RANBP2: variants seen among roughly 807,000 people sequenced by gnomAD.
RANBP2 encodes the protein RAN binding protein 2.
In RANBP2, 57 loss-of-function variants were observed where a neutral mutation model predicts 303.6. The ratio of observed to expected loss-of-function variants is 0.19; its 90% CI spans 0.15 to 0.23. The LOEUF is 0.23. Ranked by LOEUF, RANBP2 falls within the 10% of genes least tolerant of loss-of-function variation. RANBP2 has a pLI of 1.00. For missense variants in RANBP2, 3,138 were observed against 3,780.8 expected, an observed-to-expected ratio of 0.83 and a Z score of 4.46; for synonymous variants, 1,167 against 1,301.5, an observed-to-expected ratio of 0.90 and a Z score of 2.23.
the RANBP2 span, among the ~76,000 whole-genome samples, chr2:109,196,274 C>T: frequency 6.6e-6 from 1 of 152,348 alleles, no homozygotes; most frequent in Non-Finnish European, 1.5e-5. Context: ...CTCCTGGGCC[C>T]CTGGGCTGCT....
At chr2:109,517,437 G>T in the RANBP2 span, among the ~76,000 whole-genome samples, 63 of 152,290 alleles carry the variant, frequency 4.1e-4, no homozygotes, top group Admixed American at 7.8e-4. Context: ...CCGAACCACC[G>T]CAGCAAGGAA....
At chr2:108,848,136 T>C in the RANBP2 span, among the ~76,000 whole-genome samples, 1 of 152,204 alleles carries the variant, frequency 6.6e-6, no homozygotes, top group Admixed American at 6.5e-5. Flanking sequence ...CAATTTAATA[T>C]AAGAAAAATT....
the RANBP2 span, among the ~76,000 whole-genome samples, chr2:108,853,921 T>C: frequency 8.2e-6 from 1 of 122,148 alleles, no homozygotes; most frequent in Non-Finnish European, 1.6e-5. Context: ...ATAGTATATA[T>C]ATTATATATA....
chr2:109,615,093 C>T, the RANBP2 span: 791 of 1,549,680 alleles, frequency 5.1e-4, 8 homozygotes, highest in South Asian at 8.4e-3. Context: ...GAGGCCGGCC[C>T]GCCAGAACCT....
chr2:108,867,708 T>G, the RANBP2 span, among the ~76,000 whole-genome samples: 1 of 152,032 alleles, frequency 6.6e-6, no homozygotes, highest in Admixed American at 6.6e-5. Flanking sequence ...ATACTATTGC[T>G]TTTTTTTGTT....
the RANBP2 span, among the ~76,000 whole-genome samples, chr2:108,966,773 G>A: frequency 6.6e-6 from 1 of 152,200 alleles, no homozygotes; most frequent in Non-Finnish European, 1.5e-5. Context: ...TGCCAGCCCT[G>A]GAAGGGAGCA....
chr2:109,399,396 C>T, the RANBP2 span, among the ~76,000 whole-genome samples: 8 of 152,006 alleles, frequency 5.3e-5, no homozygotes, highest in Non-Finnish European at 1.0e-4. Flanking sequence ...TGAGTACTTT[C>T]GTTACTGTTG....
the RANBP2 span, among the ~76,000 whole-genome samples, chr2:109,382,580 C>A: frequency 6.6e-6 from 1 of 152,220 alleles, no homozygotes; most frequent in East Asian, 1.9e-4. Flanking sequence ...TCACCCCACA[C>A]AGAGCACCCC....
chr2:109,583,433 A>G, the RANBP2 span, among the ~76,000 whole-genome samples: 1 of 152,222 alleles, frequency 6.6e-6, no homozygotes, highest in African/African-American at 2.4e-5. Context: ...CAAAACCACA[A>G]TGAGATACCA....
chr2:109,263,430 A>G, the RANBP2 span, among the ~76,000 whole-genome samples: 2 of 152,182 alleles, frequency 1.3e-5, no homozygotes, highest in Admixed American at 6.5e-5. Flanking sequence ...TTCTTGATTG[A>G]CAGCCTTCAA....
the RANBP2 span, among the ~76,000 whole-genome samples, chr2:109,588,192 A>C: frequency 6.6e-6 from 1 of 152,204 alleles, no homozygotes; most frequent in Non-Finnish European, 1.5e-5. Flanking sequence ...ACTTCAGATA[A>C]ACAAAATCTG....
the RANBP2 span, among the ~76,000 whole-genome samples, chr2:109,527,592 G>C: frequency 6.6e-6 from 1 of 152,148 alleles, no homozygotes; most frequent in Non-Finnish European, 1.5e-5. Flanking sequence ...CCATAGGTGA[G>C]TTCATAGTAT....
At chr2:109,285,805 C>T in the RANBP2 span, among the ~76,000 whole-genome samples, 6 of 152,242 alleles carry the variant, frequency 3.9e-5, no homozygotes, top group African/African-American at 1.4e-4. Flanking sequence ...AGAGAGCATC[C>T]TCCTTCCAGT....
the RANBP2 span, among the ~76,000 whole-genome samples, chr2:108,974,701 C>G: frequency 9.2e-5 from 14 of 152,112 alleles, no homozygotes; most frequent in Non-Finnish European, 1.6e-4. Context: ...CTGCACTCCA[C>G]CCTGGGTGAC....
At chr2:109,372,590 A>G in the RANBP2 span, among the ~76,000 whole-genome samples, 1 of 152,246 alleles carries the variant, frequency 6.6e-6, no homozygotes, top group African/African-American at 2.4e-5. Context: ...AGATGAGCAA[A>G]CAGAGGTGCA....
At chr2:108,850,615 C>A in the RANBP2 span, among the ~76,000 whole-genome samples, 1 of 152,104 alleles carries the variant, frequency 6.6e-6, no homozygotes, top group African/African-American at 2.4e-5. Context: ...CCACACCCTG[C>A]TAATTTTTTC....
chr2:109,724,543 C>T, the RANBP2 span, among the ~76,000 whole-genome samples: 1 of 152,134 alleles, frequency 6.6e-6, no homozygotes, highest in African/African-American at 2.4e-5. Context: ...GTGGTGGGCA[C>T]ACTCCTCAGA....
chr2:109,688,404 C>A, the RANBP2 span, among the ~76,000 whole-genome samples: 14 of 152,292 alleles, frequency 9.2e-5, no homozygotes, highest in Middle Eastern at 0.01. Context: ...AGGAGCGCGA[C>A]CCCTGCAGTC....
the RANBP2 span, among the ~76,000 whole-genome samples, chr2:109,198,667 G>A: frequency 6.6e-6 from 1 of 152,282 alleles, no homozygotes; most frequent in East Asian, 1.9e-4. Flanking sequence ...CTCACATGGT[G>A]GAGACAGAGA....
Sources: allele counts gnomAD v4.1 joint callset (sites outside exome capture counted in the v4.1 genomes callset), GRCh38; gene constraint gnomAD v4.1.1; transcripts MANE v1.5; gene names NCBI Gene and HGNC (gene_info 2026-07-23, HGNC 2026-07-21).